The following PARP2 variants were observed in gnomAD, a reference collection of about 807,000 sequenced individuals.
PARP2 encodes poly(ADP-ribose) polymerase 2.
Under a neutral mutation model 77.8 loss-of-function variants are expected in PARP2, and 57 were observed. That is an observed-to-expected ratio of 0.73 (90% CI 0.59 to 0.91). The LOEUF (loss-of-function observed/expected upper bound fraction) is 0.91, where lower values mean the gene tolerates loss of function less well. Among genes scored for constraint, PARP2 ranks in the 40% least tolerant of loss-of-function variants. PARP2 has a pLI of 0.00. For missense variants in PARP2, 651 were observed against 689.0 expected (o/e 0.94, Z 0.62); for synonymous variants, 226 against 242.6 (o/e 0.93, Z 0.64).
In PARP2 at chr14:20,351,101, C is replaced by A; in HGVS notation, c.476C>A (p.Ala159Asp). ...LVACSGNLNK[A>D]KEIFQKKFLD... ...GCTTGTTCAGGCAATCTCAACAAGG[C>A]CAAGGAAATCTTTCAGAAGAAGTGA... The change falls in exon 6 of 16, where the codon GCC (alanine) becomes GAC (aspartate). Residue 159 changes from alanine (A) to aspartate (D), a missense_variant. Ala to Asp is a moderately radical substitution (Grantham distance 126). Transcript: ENST00000429687. 1 of 1,613,648 alleles carries A rather than the reference C, an allele frequency of 6.2e-7. No homozygotes were observed. The highest frequency in any genetic ancestry group is 1.3e-5 in the African/African-American group (1 of 74,960).
At chr14:20,347,358 A>ATG (rs1566418245) in intron 4 of PARP2, among the ~76,000 whole-genome samples, 10 of 9,224 alleles carry the variant, frequency 1.1e-3, no homozygotes, top group African/African-American at 1.5e-3. Flanking sequence ...GTGTGTGTGT[A>ATG]TATATATATA....
intron 5 of PARP2, 55 bp from the exon 6 acceptor site, chr14:20,350,992 A>C: frequency 7.5e-7 from 1 of 1,326,756 alleles, no homozygotes; most frequent in Non-Finnish European, 1.1e-6. Flanking sequence ...GAGATCTTGG[A>C]GAGCTGGCCT....
rs1374782627 is a variant in PARP2, at chr14:20,355,882, ATC to A, written c.967-12_967-11del. ...CAGTGTCCTCCCACATTGATTCTATATCTCATCTTCTCAGGCTTTGGGAGACA... is the reference window on the plus strand; with the variant it reads ...CAGTGTCCTCCCACATTGATTCTATATCATCTTCTCAGGCTTTGGGAGACA... On this transcript the variant is annotated splice_polypyrimidine_tract_variant and intron_variant, in intron 10 of 15. Coordinates refer to ENST00000429687, the MANE Select transcript of PARP2 (RefSeq NM_001042618.2). 1 of 1,613,970 alleles carries A rather than the reference ATC, an allele frequency of 6.2e-7. No homozygotes were observed. Among genetic ancestry groups the A allele is most frequent in the East Asian group, 2.2e-5 (1 of 44,888 alleles).
chr14:20,351,051 G>T lies in PARP2; in HGVS notation c.426G>T (p.Gly142=). The T allele has an allele frequency of 6.2e-7, 1 of 1,613,676 alleles. No individual in the cohort carries two copies. The highest frequency in any genetic ancestry group is 8.5e-7 in the Non-Finnish European group (1 of 1,179,690). ...FSVWMRWGRV[G]KMGQHSLVAC... is the part of the protein sequence containing the mutation. ...TGTGTGGCATTTCCTTTGCAGTTGG[G>T]AAAATGGGACAGCACAGCCTGGTGG... The change falls in exon 6 of 16, where the codon GGG becomes GGT. Residue 142 remains glycine, a synonymous_variant. Coordinates refer to ENST00000429687, the MANE Select transcript of PARP2 (RefSeq NM_001042618.2).
intron 1 of PARP2, 112 bp from the exon 2 acceptor site, chr14:20,344,817 CAAA>C: frequency 1.2e-6 from 1 of 801,590 alleles, no homozygotes. Flanking sequence ...CACCTCAAAA[CAAA>C]AAAAGAGAGA....
At chr14:20,348,689 A>C (rs1431213949) in intron 4 of PARP2, among the ~76,000 whole-genome samples, 2 of 152,176 alleles carry the variant, frequency 1.3e-5, no homozygotes, top group East Asian at 3.9e-4. Context: ...ATTTCTTACT[A>C]TTTCTTCTAC....
chr14:20,344,561 G>A (rs1293670004), intron 1 of PARP2, among the ~76,000 whole-genome samples: 2 of 152,226 alleles, frequency 1.3e-5, no homozygotes, highest in Non-Finnish European at 2.9e-5. Flanking sequence ...GCTCACGCCT[G>A]TAATCCCTTG....
chr14:20,354,901 A>C lies in PARP2; in HGVS notation c.856A>C (p.Met286Leu), dbSNP rs143908458. 8 of 1,613,996 alleles carry C rather than the reference A, an allele frequency of 5.0e-6. No individual in the cohort carries two copies. Among genetic ancestry groups the C allele is most frequent in the Non-Finnish European group, 5.9e-6 (7 of 1,179,960 alleles). Reference sequence around the variant, plus strand: ...GGCTGGCCAGCATGGACGAGCTCTCATGGAAGCATGCAATGAATTCTACAC... The same window carrying C: ...GGCTGGCCAGCATGGACGAGCTCTCCTGGAAGCATGCAATGAATTCTACAC... ...IRAGQHGRAL[M>L]EACNEFYTRI... The change falls in exon 9 of 16, where the codon ATG becomes CTG. Residue 286 changes from methionine (M) to leucine (L), a missense_variant. Met to Leu is a conservative substitution (Grantham distance 15, BLOSUM62 2). Transcript: ENST00000429687.
intron 7 of PARP2, 44 bp from the exon 8 acceptor site, chr14:20,354,041 T>C (rs779891520): frequency 2.8e-5 from 41 of 1,481,826 alleles, no homozygotes; most frequent in Non-Finnish European, 3.8e-5. Flanking sequence ...AATCTAGAGA[T>C]GATTTCTTAG....
chr14:20,347,871 A>T (rs1439551875), intron 4 of PARP2, among the ~76,000 whole-genome samples: 7 of 138,700 alleles, frequency 5.0e-5, no homozygotes, highest in Non-Finnish European at 4.8e-5. Flanking sequence ...CCTTTTGCAC[A>T]TTTTTTTTTT....
chr14:20,347,374 A>G (rs532855361), intron 4 of PARP2, among the ~76,000 whole-genome samples: 194 of 14,134 alleles, frequency 0.014, 10 homozygotes, highest in African/African-American at 0.038. Context: ...ATATATATAT[A>G]TATATATATA....
chr14:20,356,141 CTT>C, intron 11 of PARP2, 110 bp downstream of exon 11: 1 of 1,438,060 alleles, frequency 7.0e-7, no homozygotes. Flanking sequence ...TTAGGGCAGA[CTT>C]TTTATGTACT....
chr14:20,350,888 G>C, intron 5 of PARP2, 159 bp from the exon 6 acceptor site: 1 of 634,232 alleles, frequency 1.6e-6, no homozygotes, highest in Non-Finnish European at 2.8e-6. Context: ...GACTATGGCA[G>C]TTAGCAAGTA....
chr14:20,354,060 G>T (rs1713412), intron 7 of PARP2, 25 bp from the exon 8 acceptor site: 127,506 of 1,576,948 alleles, frequency 0.081, 16,664 homozygotes, highest in African/African-American at 0.59. Context: ...AGATTGTCTT[G>T]TGTTTTGTTT....
chr14:20,357,353 T>C, intron 14 of PARP2, 43 bp from the exon 15 acceptor site: 1 of 1,572,554 alleles, frequency 6.4e-7, no homozygotes, highest in Non-Finnish European at 8.6e-7. Context: ...AGCCATCTAA[T>C]TCTTAGTAGG....
intron 14 of PARP2, 89 bp from the exon 15 acceptor site, chr14:20,357,306 GA>G: frequency 4.8e-6 from 7 of 1,470,248 alleles, no homozygotes; most frequent in South Asian, 1.2e-5. Context: ...TGGAGTAGGG[GA>G]AAAAAGTACT....
chr14:20,354,217 A>G lies in PARP2; in HGVS notation c.733A>G (p.Met245Val). The G allele has an allele frequency of 6.2e-7, 1 of 1,613,800 alleles. No individual in the cohort carries two copies. The highest frequency in any genetic ancestry group is 2.2e-5 in the East Asian group (1 of 44,878). The change falls in exon 8 of 16, where the codon ATG (methionine) becomes GTG (valine). Residue 245 changes from methionine (M) to valine (V), a missense_variant. Transcript: ENST00000429687. ...VQAMEEMMME[M>V]KYNTKKAPLG... is the part of the protein sequence containing the mutation. ...GGCCATGGAAGAAATGATGATGGAA[A>G]TGAAGTATAATACCAAGAAAGCCCC...
At position 20,356,001 on chromosome 14, in the gene PARP2, C is replaced by T. The variant is rs535248237; in HGVS notation, c.1071C>T (p.Arg357=). The T allele has an allele frequency of 2.0e-5, 32 of 1,613,988 alleles. No individual in the cohort carries two copies. The highest frequency in any genetic ancestry group is 1.2e-4 in the South Asian group (11 of 91,044). The change falls in exon 11 of 16, where the codon CGC becomes CGT. Residue 357 remains arginine, a synonymous_variant. Transcript: ENST00000429687. ...ATAGAAACCTACATTGTGCCTTGCG[C>T]CCCCTTGACCATGAAAGTTATGAGT... ...QHYRNLHCAL[R]PLDHESYEFK... is the part of the protein sequence containing the mutation.
At chr14:20,347,356 GTATATATATATATATATATATATA>G (rs774986716) in intron 4 of PARP2, among the ~76,000 whole-genome samples, 473 of 29,562 alleles carry the variant, frequency 0.016, 24 homozygotes, top group African/African-American at 0.061. Context: ...ATGTGTGTGT[GTATATATATATATATATATATATA>G]TATATATATA....
Sources: gnomAD v4.1 joint callset for allele counts (sites outside exome capture counted in the v4.1 genomes callset) on GRCh38, gnomAD v4.1.1 for gene constraint, MANE v1.5 for transcripts, NCBI Gene and HGNC (gene_info 2026-07-23, HGNC 2026-07-21) for gene names.